HIBADH: variants seen among roughly 807,000 people sequenced by gnomAD.
HIBADH encodes 3-hydroxyisobutyrate dehydrogenase.
In HIBADH, 25 loss-of-function variants were observed where a neutral mutation model predicts 36.1. The observed-to-expected ratio is 0.69, with a 90% CI of 0.50 to 0.97. HIBADH has a LOEUF of 0.97. HIBADH is among the 50% of genes least tolerant of loss of function. HIBADH has a pLI of 0.00. For missense variants in HIBADH, 421 were observed against 418.0 expected (o/e 1.01, Z -0.06); for synonymous variants, 160 against 149.5 (o/e 1.07, Z -0.51).
At chr7:27,592,958 T>C (rs1234212853) in intron 4 of HIBADH, among the ~76,000 whole-genome samples, 1 of 152,170 alleles carries the variant, frequency 6.6e-6, no homozygotes, top group Admixed American at 6.5e-5. Flanking sequence ...CTCAGCATGC[T>C]CTTCCTCTGT....
chr7:27,538,502 C>T, intron 5 of HIBADH, 85 bp from the exon 6 acceptor site: 1 of 1,093,698 alleles, frequency 9.1e-7, no homozygotes, highest in Non-Finnish European at 1.4e-6. Flanking sequence ...ATTCCAGGGG[C>T]TGCTTTCTAA....
chr7:27,552,366 ACACT>A (rs1019788362), intron 4 of HIBADH, among the ~76,000 whole-genome samples: 8 of 152,222 alleles, frequency 5.3e-5, no homozygotes, highest in Non-Finnish European at 8.8e-5. Context: ...AAAAGCAAAA[ACACT>A]CACAGCACTC....
intron 4 of HIBADH, among the ~76,000 whole-genome samples, chr7:27,549,957 G>C (rs1032778512): frequency 2.0e-5 from 3 of 152,002 alleles, no homozygotes; most frequent in Non-Finnish European, 4.4e-5. Context: ...CGCCAGGATG[G>C]AGTGCAGTGG....
At chr7:27,619,341 T>C (rs150173874) in intron 4 of HIBADH, among the ~76,000 whole-genome samples, 2 of 151,978 alleles carry the variant, frequency 1.3e-5, no homozygotes, top group African/African-American at 2.4e-5. Context: ...AATTCAAAAA[T>C]AGGAGGAAGA....
In HIBADH at chr7:27,661,369, C is replaced by T. The variant is rs557777695; in HGVS notation, c.91+1329G>A. Among the ~76,000 whole-genome samples, 8 of 152,026 alleles carry T rather than the reference C, an allele frequency of 5.3e-5. No individual in the cohort carries two copies. In the East Asian group the frequency reaches 1.5e-3, roughly 29 times the overall value. ...TAATCCCAACGCTTTGGGAGGATCA[C>T]TTGAGCGCAGGAGTTCAAGACCAGC... On this transcript the variant is annotated intron_variant, in intron 1 of 7. Coordinates refer to ENST00000265395, the MANE Select transcript of HIBADH (RefSeq NM_152740.4).
chr7:27,578,086 A>C (rs1316896387), intron 4 of HIBADH, among the ~76,000 whole-genome samples: 1 of 152,220 alleles, frequency 6.6e-6, no homozygotes, highest in Admixed American at 6.5e-5. Flanking sequence ...CAAATCATTA[A>C]ATAGTTTAGA....
At chr7:27,631,596 C>T (rs182377801) in intron 3 of HIBADH, among the ~76,000 whole-genome samples, 1 of 152,114 alleles carries the variant, frequency 6.6e-6, no homozygotes, top group African/African-American at 2.4e-5. Flanking sequence ...CTAACATAAC[C>T]GCAAGGGTTT....
At chr7:27,551,041 T>G (rs536206871) in intron 4 of HIBADH, among the ~76,000 whole-genome samples, 1 of 152,274 alleles carries the variant, frequency 6.6e-6, no homozygotes, top group African/African-American at 2.4e-5. Flanking sequence ...GTGAGGTAAT[T>G]AACTAGCTCA....
At chr7:27,577,485 T>A (rs17155501) in intron 4 of HIBADH, among the ~76,000 whole-genome samples, 31,039 of 152,208 alleles carry the variant, frequency 0.2, 4,130 homozygotes, top group East Asian at 0.51. Flanking sequence ...TCTCTTAAAA[T>A]GAATACAAAT....
chr7:27,539,240 C>T (rs1426082608), intron 5 of HIBADH, among the ~76,000 whole-genome samples: 2 of 152,030 alleles, frequency 1.3e-5, no homozygotes, highest in Admixed American at 6.6e-5. Flanking sequence ...GACTATTAGG[C>T]CCCCTGACCA....
chr7:27,565,135 A>C (rs939852997), intron 4 of HIBADH, among the ~76,000 whole-genome samples: 3 of 152,108 alleles, frequency 2.0e-5, no homozygotes, highest in African/African-American at 4.8e-5. Context: ...TCTCTGCTCT[A>C]ATCACCCCAG....
At position 27,537,094 on chromosome 7, in the gene HIBADH, A is replaced by C. The variant is rs115052885; in HGVS notation, c.695+1247T>G. Among the ~76,000 whole-genome samples the C allele has an allele frequency of 8.1e-3, 1,239 of 152,242 alleles. 22 individuals carry two copies. The highest frequency in any genetic ancestry group is 0.028 in the African/African-American group (1,171 of 41,558). On this transcript the variant is annotated intron_variant, in intron 6 of 7. Coordinates refer to ENST00000265395, the MANE Select transcript of HIBADH (RefSeq NM_152740.4). ...ACCAGTTTTTCAATTATGATAAGTG[A>C]CCCATATCCTAAAACTGGCCACAAT...
intron 4 of HIBADH, 111 bp from the exon 5 acceptor site, chr7:27,543,211 T>C: frequency 9.3e-7 from 1 of 1,071,260 alleles, no homozygotes; most frequent in East Asian, 2.6e-5. Context: ...CTCCAATCTG[T>C]ATTTATGCCA....
At position 27,634,239 on chromosome 7, in the gene HIBADH, A is replaced by G. The variant is rs543702571; in HGVS notation, c.253-1794T>C. 5.3e-5 allele frequency among the ~76,000 whole-genome samples: 8 copies of G among 152,090 alleles called. No homozygotes were observed. The East Asian group carries it at 1.3e-3, about 26-fold the overall frequency. ...ATATTCTCTTTTAATGTTTCACTCT[A>G]AAGACAATACAGCATTTTATAATCT... On this transcript the variant is annotated intron_variant, in intron 2 of 7. Coordinates refer to ENST00000265395, the MANE Select transcript of HIBADH (RefSeq NM_152740.4).
intron 4 of HIBADH, among the ~76,000 whole-genome samples, chr7:27,571,319 T>A (rs1383260228): frequency 2.6e-5 from 4 of 152,118 alleles, no homozygotes; most frequent in African/African-American, 4.8e-5. Flanking sequence ...GCCTCCCAGG[T>A]TCAAGTGATT....
intron 2 of HIBADH, among the ~76,000 whole-genome samples, chr7:27,648,984 G>C (rs1270664586): frequency 1.3e-5 from 2 of 152,196 alleles, no homozygotes; most frequent in African/African-American, 4.8e-5. Context: ...TAATGGCATA[G>C]GTTGTCATCG....
intron 5 of HIBADH, 99 bp downstream of exon 5, chr7:27,542,868 A>C: frequency 4.8e-6 from 6 of 1,257,586 alleles, no homozygotes; most frequent in Non-Finnish European, 6.7e-6. Flanking sequence ...AAGAATCCAT[A>C]GGTTGAAGAA....
At chr7:27,576,184 A>G (rs1367808501) in intron 4 of HIBADH, among the ~76,000 whole-genome samples, 1 of 152,220 alleles carries the variant, frequency 6.6e-6, no homozygotes, top group Non-Finnish European at 1.5e-5. Flanking sequence ...GGAACTGATC[A>G]TAACCATTAC....
At chr7:27,662,155 A>T (rs1158662173) in intron 1 of HIBADH, among the ~76,000 whole-genome samples, 1 of 152,198 alleles carries the variant, frequency 6.6e-6, no homozygotes, top group Non-Finnish European at 1.5e-5. Flanking sequence ...TTGCTGGTCA[A>T]GGGTGACTGA....
Sources: gnomAD v4.1 joint callset for allele counts (sites outside exome capture counted in the v4.1 genomes callset) on GRCh38, gnomAD v4.1.1 for gene constraint, MANE v1.5 for transcripts, NCBI Gene and HGNC (gene_info 2026-07-23, HGNC 2026-07-21) for gene names.